WIZ: variants seen among roughly 807,000 people sequenced by gnomAD.
WIZ encodes the protein WIZ zinc finger, also known as protein Wiz.
A neutral mutation model predicts 140.2 loss-of-function variants in WIZ; 25 were observed. The observed-to-expected ratio is 0.18, with a 90% confidence interval of 0.13 to 0.25. The LOEUF is 0.25. Ranked by LOEUF, WIZ falls within the 10% of genes least tolerant of loss-of-function variation. WIZ has a pLI of 1.00. For synonymous variants in WIZ, 1,125 were observed against 1,154.3 expected, an observed-to-expected ratio of 0.97 and a Z score of 0.51; for missense variants, 2,231 against 2,632.6, an observed-to-expected ratio of 0.85 and a Z score of 3.34.
rs778607278 is a variant in WIZ, at chr19:15,438,948, T to A, written c.2046A>T (p.Val682=). Residue 682 remains valine (V), a synonymous_variant, in exon 4 of 13, where the codon GTA becomes GTT. Transcript: ENST00000673675. ...QGQQQQLRGM[V]PIVLVAKLGP... ...CCAGCTTCGCCACGAGCACAATGGG[T>A]ACCATCCCTCGGAGCTGCTGCTGCT... 11 of 1,451,322 alleles carry A rather than the reference T, an allele frequency of 7.6e-6. No homozygotes were observed. The highest frequency in any genetic ancestry group is 1.0e-5 in the Non-Finnish European group (11 of 1,104,340). The allele number at this position is 1,451,322 out of a possible 1,614,324, so 89.9% of individuals were successfully genotyped here. A position where few individuals can be genotyped will look rare whatever the true frequency, so the allele number is the denominator to read the frequency against.
At chr19:15,444,017 T>C (rs991502747) in intron 2 of WIZ, among the ~76,000 whole-genome samples, 48 of 152,176 alleles carry the variant, frequency 3.2e-4, no homozygotes, top group African/African-American at 1.1e-3. Context: ...TTGCCTGACG[T>C]GGGTAAGCTT....
intron 2 of WIZ, among the ~76,000 whole-genome samples, chr19:15,444,515 G>A (rs74380629): frequency 0.011 from 1,666 of 152,190 alleles, 25 homozygotes; most frequent in African/African-American, 0.037. Flanking sequence ...CCCAGCCCTC[G>A]GTCATGACAA....
chr19:15,429,831 C>A lies in WIZ; in HGVS notation c.3170G>T (p.Ser1057Ile). Residue 1057 changes from serine (S) to isoleucine (I), a missense_variant, in exon 7 of 13, where the codon AGC (serine) becomes ATC (isoleucine). By Grantham distance (142) the Ser-to-Ile change is moderately radical (BLOSUM62 -2). This residue lies in a region of WIZ where 163 missense variants were observed against 166.8 expected (regional missense o/e 0.98). Coordinates refer to ENST00000673675, the MANE Select transcript of WIZ (RefSeq NM_001371589.1). ...AGGGGCATCCAAGGGCTTGGCCAGGCTGAGCAAGCCGGGCCGGGGGGCCCC... is the reference window on the plus strand; with the variant it reads ...AGGGGCATCCAAGGGCTTGGCCAGGATGAGCAAGCCGGGCCGGGGGGCCCC... ...VAGAPRPGLLSLAKPLDAPAV... is the reference protein window; with the variant it reads ...VAGAPRPGLLILAKPLDAPAV... The A allele has an allele frequency of 6.5e-7, 1 of 1,528,892 alleles. No individual in the cohort carries two copies. The highest frequency in any genetic ancestry group is 1.2e-5 in the South Asian group (1 of 83,742). 94.7% of individuals were successfully genotyped at this position (1,528,892 alleles called of 1,614,324 possible).
chr19:15,448,287 G>T lies in WIZ; in HGVS notation c.21C>A (p.Gly7=), dbSNP rs770952180. The T allele has an allele frequency of 2.2e-5, 36 of 1,612,740 alleles. No individual in the cohort carries two copies. Among genetic ancestry groups the T allele is most frequent in the Non-Finnish European group, 3.1e-5 (36 of 1,179,772 alleles). The change falls in exon 2 of 13, where the codon GGC becomes GGA. Residue 7 remains glycine, a synonymous_variant. Transcript: ENST00000673675. The part of the protein sequence containing the change: MEGSLA[G]SLAAPDRPQG... Reference sequence around the variant, plus strand: ...GGGGACGATCTGGTGCAGCCAGGCTGCCTGCCAGAGACCCCTCCATCGGAT... The same window carrying T: ...GGGGACGATCTGGTGCAGCCAGGCTTCCTGCCAGAGACCCCTCCATCGGAT...
At position 15,427,656 on chromosome 19, in the gene WIZ, G is replaced by C; in HGVS notation, c.3815-123C>G. ...ACGCCCACAGGTTAGGGTGGTGAGG[G>C]CAGGTGCAGGTAAGGGAGTGGAGGA... On this transcript the variant is annotated intron_variant, in intron 8 of 12. Coordinates refer to ENST00000673675, the MANE Select transcript of WIZ (RefSeq NM_001371589.1). The surrounding 1 kb of genome is among the most constrained non-coding windows in gnomAD (Gnocchi z 6.4). The C allele has an allele frequency of 3.6e-6, 4 of 1,107,348 alleles. No homozygotes were observed. The South Asian group carries it at 4.8e-5, about 13-fold the overall frequency. The allele number at this position is 1,107,348 out of a possible 1,614,324, so 68.6% of individuals were successfully genotyped here.
In WIZ at chr19:15,438,714, G is replaced by A. The variant is rs1404066798; in HGVS notation, c.2280C>T (p.Asn760=). 1.8e-5 allele frequency: 27 copies of A among 1,536,062 alleles called. No individual in the cohort carries two copies. The highest frequency in any genetic ancestry group is 5.9e-5 in the Admixed American group (3 of 50,990). ...KCPYCPDRFH[N]GIGLANHVRG... ...GGACGTGGTTGGCCAAGCCGATGCC[G>A]TTGTGGAAGCGATCGGGGCAGTAGG... The change falls in exon 4 of 13, where the codon AAC becomes AAT. Residue 760 remains asparagine, a synonymous_variant. Coordinates refer to ENST00000673675, the MANE Select transcript of WIZ (RefSeq NM_001371589.1).
chr19:15,436,468 T>G, intron 5 of WIZ: 1 of 222,772 alleles, frequency 4.5e-6, no homozygotes. Context: ...ACACCTGCCT[T>G]ATAGGATTGT....
Position 15,439,854 on chromosome 19 carries a change from C to A in WIZ, c.1140G>T (p.Lys380Asn). The A allele has an allele frequency of 6.5e-7, 1 of 1,529,624 alleles. No homozygotes were observed. The highest frequency in any genetic ancestry group is 8.7e-7 in the Non-Finnish European group (1 of 1,143,548). 94.8% of individuals were successfully genotyped at this position (1,529,624 alleles called of 1,614,324 possible). Residue 380 changes from lysine (K) to asparagine (N), a missense_variant, in exon 4 of 13, where the codon AAG becomes AAT. By Grantham distance (94) the Lys-to-Asn change is moderately conservative (BLOSUM62 0). Coordinates refer to ENST00000673675, the MANE Select transcript of WIZ (RefSeq NM_001371589.1). The surrounding 1 kb of genome is among the most constrained non-coding windows in gnomAD (Gnocchi z 7.0). ...HRQLHQASRE[K>N]IIEEIQKLKQ... ...TCAGCTTTTGGATCTCCTCAATGAT[C>A]TTCTCCCGGGAGGCCTGATGCAGCT... is the stretch of plus-strand genomic sequence containing the variant.
rs567739882 is a variant in WIZ at position 15,440,167 on chromosome 19, C to T, written c.827G>A (p.Arg276Gln). The change falls in exon 4 of 13, where the codon CGG becomes CAG. Residue 276 changes from arginine to glutamine, a missense_variant. By Grantham distance (43) the Arg-to-Gln change is conservative (BLOSUM62 1). Around this residue, in one of 15 missense-constraint regions of WIZ, gnomAD observed 307 missense variants for 294.1 expected, o/e 1.04. Transcript: ENST00000673675. The surrounding 1 kb of genome is among the most constrained non-coding windows in gnomAD (Gnocchi z 6.2). Reference sequence around the variant, plus strand: ...GATCGGGGGCAGTAGCGGCTGCAGCCGCTCCACAGAAGCCTCCGAGTTCAC... The same window carrying T: ...GATCGGGGGCAGTAGCGGCTGCAGCTGCTCCACAGAAGCCTCCGAGTTCAC... ...WTVNSEASVERLQPLLPPIRT... is the reference protein window; with the variant it reads ...WTVNSEASVEQLQPLLPPIRT... 297 of 1,532,278 alleles carry T rather than the reference C, an allele frequency of 1.9e-4. No individual in the cohort carries two copies. The African/African-American group carries it at 2.3e-3, about 12-fold the overall frequency. 94.9% of individuals were successfully genotyped at this position (1,532,278 alleles called of 1,614,324 possible).
chr19:15,438,783 A>G lies in WIZ; in HGVS notation c.2211T>C (p.Asp737=). The G allele has an allele frequency of 1.3e-6, 2 of 1,531,286 alleles. No individual in the cohort carries two copies. Among genetic ancestry groups the G allele is most frequent in the African/African-American group, 1.4e-5 (1 of 73,066 alleles). The allele number at this position is 1,531,286 out of a possible 1,614,324, so 94.9% of individuals were successfully genotyped here. A position where few individuals can be genotyped will look rare whatever the true frequency, so the allele number is the denominator to read the frequency against. Residue 737 remains aspartate (D), a synonymous_variant, in exon 4 of 13, where the codon GAT becomes GAC. Transcript: ENST00000673675. ...GGPLGLDTLL[D]GDPAMALKHE... is the part of the protein sequence containing the mutation. ...GCTTCAGTGCCATGGCCGGATCCCC[A>G]TCCAGGAGTGTGTCCAGCCCCAGCG...
chr19:15,430,658 A>G (rs1040141477), intron 6 of WIZ, among the ~76,000 whole-genome samples: 4 of 152,184 alleles, frequency 2.6e-5, no homozygotes, highest in African/African-American at 9.7e-5. Flanking sequence ...TCACTAGTCA[A>G]TAACAACCTT....
intron 2 of WIZ, among the ~76,000 whole-genome samples, chr19:15,446,849 G>C (rs1425291534): frequency 6.6e-6 from 1 of 152,248 alleles, no homozygotes; most frequent in African/African-American, 2.4e-5. Flanking sequence ...CTCAGTCACC[G>C]CTGTGCCCCA....
At chr19:15,438,037 T>C (rs1293922025) in intron 4 of WIZ, among the ~76,000 whole-genome samples, 2 of 151,996 alleles carry the variant, frequency 1.3e-5, no homozygotes, top group Non-Finnish European at 2.9e-5. Context: ...TCAAACACCA[T>C]ACTGGCACCT....
chr19:15,425,073 G>C (rs752360530), intron 10 of WIZ, 41 bp from the exon 11 acceptor site: 3 of 1,519,524 alleles, frequency 2.0e-6, no homozygotes, highest in Non-Finnish European at 1.8e-6. Flanking sequence ...CAGCCCAAAG[G>C]GGGCAGGTGC....
At position 15,427,102 on chromosome 19, in the gene WIZ, G is replaced by C. The variant is rs1968878048; in HGVS notation, c.4246C>G (p.Pro1416Ala). 4 of 1,614,212 alleles carry C rather than the reference G, an allele frequency of 2.5e-6. No homozygotes were observed. Among genetic ancestry groups the C allele is most frequent in the Non-Finnish European group, 3.4e-6 (4 of 1,180,032 alleles). ...TTGATCTCCACCCGTATTTGTTCAGGCTTCAGCTTCTTGGGCAAGGAGGGT... is the reference window on the plus strand; with the variant it reads ...TTGATCTCCACCCGTATTTGTTCAGCCTTCAGCTTCTTGGGCAAGGAGGGT... ...AAPSLPKKLK[P>A]EQIRVEIKRE... Residue 1416 changes from proline to alanine, a missense_variant, in exon 9 of 13, where the codon CCT becomes GCT. Pro to Ala is a conservative substitution (Grantham distance 27). Coordinates refer to ENST00000673675, the MANE Select transcript of WIZ (RefSeq NM_001371589.1). This position sits in a 1 kb window ranked among gnomAD's most constrained non-coding sequence, Gnocchi z 6.4.
chr19:15,445,509 G>A (rs893729335), intron 2 of WIZ, among the ~76,000 whole-genome samples: 1 of 152,290 alleles, frequency 6.6e-6, no homozygotes, highest in Admixed American at 6.5e-5. Flanking sequence ...GTTCAGCGAT[G>A]TCTCAAGGGG....
At chr19:15,433,256 AG>A in intron 5 of WIZ, 2 of 985,416 alleles carry the variant, frequency 2.0e-6, no homozygotes, top group Non-Finnish European at 2.4e-6. Flanking sequence ...GAACCCCACA[AG>A]GCCGGCAACA....
In WIZ at chr19:15,430,257, G is replaced by A. The variant is rs180726360; in HGVS notation, c.2912-168C>T. Among the ~76,000 whole-genome samples the A allele has an allele frequency of 3.6e-3, 552 of 152,332 alleles. 5 individuals are homozygous for A. The highest frequency in any genetic ancestry group is 0.013 in the African/African-American group (529 of 41,586). On this transcript the variant is annotated intron_variant, in intron 6 of 12. Coordinates refer to ENST00000673675, the MANE Select transcript of WIZ (RefSeq NM_001371589.1). ...CCCTAACAACGCAGAGAATAGCTTG[G>A]CTGCTTTGCCAATAAGGGTTAGAAA...
In WIZ at chr19:15,448,152, G is replaced by A. The variant is rs1277682256; in HGVS notation, c.156C>T (p.Val52=). ...GAATGTCTCGGGGGCCCTCCTTGGT[G>A]ACAGGCAGGTAACGGGTGGACCGGA... ...GIFRSTRYLP[V]TKEGPRDILD... Residue 52 remains valine (V), a synonymous_variant, in exon 2 of 13, where the codon GTC becomes GTT. Transcript: ENST00000673675. 2 of 1,612,832 alleles carry A rather than the reference G, an allele frequency of 1.2e-6. No homozygotes were observed. The highest frequency in any genetic ancestry group is 1.1e-5 in the South Asian group (1 of 91,044).
Sources: gnomAD v4.1 joint callset for allele counts (sites outside exome capture counted in the v4.1 genomes callset) on GRCh38, gnomAD v4.1.1 for gene constraint, gnomAD v4.1.1 regional missense constraint, Gnocchi (gnomAD v3.1) non-coding constraint, MANE v1.5 for transcripts, NCBI Gene and HGNC (gene_info 2026-07-23, HGNC 2026-07-21) for gene names.